GTPBP6: variants seen among roughly 807,000 people sequenced by gnomAD.
The protein encoded by GTPBP6 is GTP binding protein 6.
A neutral mutation model predicts 28.9 loss-of-function variants in GTPBP6; 33 were observed. The ratio of observed to expected loss-of-function variants is 1.14; its 90% CI spans 0.87 to 1.53. GTPBP6 has a LOEUF of 1.53. Among genes scored for constraint, GTPBP6 ranks in the 40% most tolerant of loss-of-function variants. The pLI is 0.00. For missense variants in GTPBP6, 507 were observed against 408.3 expected (o/e 1.24, Z -2.08); for synonymous variants, 231 against 192.7 (o/e 1.20, Z -1.65).
intron 7 of GTPBP6, among the ~76,000 whole-genome samples, chrX:310,043 G>T (rs1391713763): frequency 2.6e-4 from 36 of 137,670 alleles, no homozygotes; most frequent in African/African-American, 1.0e-3. Flanking sequence ...GCTGGGAGAG[G>T]CAGGAAGGAC....
chrX:317,003 C>T (rs1289956208), exon 2 of GTPBP6: 2 of 398,536 alleles, frequency 5.0e-6, no homozygotes, highest in South Asian at 1.3e-4. Flanking sequence ...CACGGACCAG[C>T]CGTCCAGCGT....
chrX:310,782 G>A (rs2070270346), intron 7 of GTPBP6, among the ~76,000 whole-genome samples: 1 of 151,860 alleles, frequency 6.6e-6, no homozygotes, highest in Admixed American at 6.6e-5. Context: ...CTGTGGTAGA[G>A]CTGGTTCCTG....
exon 9 of GTPBP6, chrX:307,479 C>G (rs756343195): frequency 4.3e-6 from 7 of 1,611,206 alleles, no homozygotes; most frequent in African/African-American, 1.3e-5. Context: ...GCAGGGCAGA[C>G]ACGGGCACGA....
rs762439793 is a variant in GTPBP6, at chrX:307,688, G to A, written c.1274+44C>T. The A allele has an allele frequency of 9.6e-6, 14 of 1,455,940 alleles. No individual in the cohort carries two copies. In the African/African-American group the frequency reaches 1.3e-4, roughly 13 times the overall value. The allele number at this position is 1,455,940 out of a possible 1,614,324, so 90.2% of individuals were successfully genotyped here. On this transcript the variant is annotated intron_variant, in intron 8 of 9. Transcript: ENST00000326153. ...GCATCTCCCCACCCGGCTCCAGCGC[G>A]TGCAGGGGAAGGAGACGCTTGCGGA...
intron 6 of GTPBP6, chrX:311,881 G>T: frequency 1.7e-6 from 1 of 604,996 alleles, no homozygotes; most frequent in Non-Finnish European, 2.9e-6. Context: ...GGGTGTGCGT[G>T]TGAAGGCGTG....
At chrX:305,487 A>G (rs185323819) in intron 9 of GTPBP6, among the ~76,000 whole-genome samples, 1 of 151,104 alleles carries the variant, frequency 6.6e-6, no homozygotes, top group Non-Finnish European at 1.5e-5. Context: ...ACACCTGGCT[A>G]ATTTTTTGTG....
chrX:314,287 G>T, intron 4 of GTPBP6, 70 bp from the exon 5 acceptor site: 1 of 1,280,828 alleles, frequency 7.8e-7, no homozygotes, highest in Non-Finnish European at 1.1e-6. Context: ...TCGAGGTGAA[G>T]GTGAAGGGGG....
At chrX:310,675 G>T (rs1479302640) in intron 7 of GTPBP6, among the ~76,000 whole-genome samples, 1 of 151,754 alleles carries the variant, frequency 6.6e-6, no homozygotes, top group Non-Finnish European at 1.5e-5. Context: ...CTGGAGTGAT[G>T]CGGCCTCAAG....
At chrX:310,647 C>CACAG (rs2070267288) in intron 7 of GTPBP6, among the ~76,000 whole-genome samples, 1 of 151,044 alleles carries the variant, frequency 6.6e-6, no homozygotes, top group Admixed American at 6.6e-5. Flanking sequence ...AGGAGAAGGC[C>CACAG]ACAGACAGAG....
chrX:307,309 A>C, intron 9 of GTPBP6, 51 bp downstream of exon 9: 1 of 1,578,078 alleles, frequency 6.3e-7, no homozygotes, highest in Non-Finnish European at 8.7e-7. Flanking sequence ...TCAGAGCCAG[A>C]GACAGGCATC....
intron 7 of GTPBP6, among the ~76,000 whole-genome samples, chrX:308,970 C>G (rs28575261): frequency 0.1 from 15,174 of 151,970 alleles, 1,180 homozygotes; most frequent in East Asian, 0.3. Context: ...AGTGATCCAC[C>G]CGCCTCAACC....
intron 7 of GTPBP6, among the ~76,000 whole-genome samples, chrX:309,039 G>A (rs952715639): frequency 4.6e-5 from 7 of 152,068 alleles, no homozygotes; most frequent in Admixed American, 6.6e-5. Flanking sequence ...ATTTATTGTC[G>A]GGAGGAGTCG....
chrX:310,868 T>G (rs2070272272), intron 7 of GTPBP6, among the ~76,000 whole-genome samples: 1 of 152,004 alleles, frequency 6.6e-6, no homozygotes, highest in Admixed American at 6.6e-5. Context: ...AGGGTCTCGG[T>G]GTTCATCGAT....
exon 10 of GTPBP6, chrX:304,871 T>C: frequency 7.0e-7 from 1 of 1,434,980 alleles, no homozygotes; most frequent in Non-Finnish European, 9.1e-7. Flanking sequence ...GAGTGGACGC[T>C]CGGGCGGCCC....
At chrX:318,364 G>T in intron 1 of GTPBP6, 75 bp downstream of exon 1, 1 of 375,476 alleles carries the variant, frequency 2.7e-6, no homozygotes, top group Non-Finnish European at 4.6e-6. Flanking sequence ...CTCCACCTAT[G>T]AGCCCCCTCC....
intron 9 of GTPBP6, among the ~76,000 whole-genome samples, chrX:306,745 C>T (rs1469196256): frequency 4.0e-5 from 6 of 149,268 alleles, no homozygotes; most frequent in African/African-American, 1.5e-4. Context: ...GGCTGTCAAG[C>T]ACAGATTAGG....
chrX:304,989 C>A (rs2070122624), exon 10 of GTPBP6: 1 of 1,557,604 alleles, frequency 6.4e-7, no homozygotes, highest in Admixed American at 1.9e-5. Context: ...CTGCACCTGA[C>A]ACCAAGCTGC....
chrX:305,012 GGTAAC>G, exon 10 of GTPBP6: 1 of 1,592,548 alleles, frequency 6.3e-7, no homozygotes. Context: ...CCAACACAGC[GGTAAC>G]GCCTCAGCTC....
intron 9 of GTPBP6, among the ~76,000 whole-genome samples, chrX:306,633 C>G (rs113423513): frequency 2.8e-5 from 4 of 145,422 alleles, no homozygotes; most frequent in South Asian, 4.4e-4. Context: ...TACATTTTGA[C>G]TGTCAGCACA....
Sources: allele counts gnomAD v4.1 joint callset (sites outside exome capture counted in the v4.1 genomes callset), GRCh38; gene constraint gnomAD v4.1.1; transcripts MANE v1.5; gene names NCBI Gene and HGNC (gene_info 2026-07-23, HGNC 2026-07-21).